The following SEMA4B variants were observed in gnomAD, a reference collection of about 807,000 sequenced individuals.
SEMA4B encodes semaphorin 4B, also known as semaphorin-4B.
In SEMA4B, 55 loss-of-function variants were observed where a neutral mutation model predicts 88.1. The observed-to-expected ratio is 0.62, with a 90% CI of 0.50 to 0.78. The LOEUF is 0.78. Ranked by LOEUF, SEMA4B falls within the 30% of genes least tolerant of loss-of-function variation. The pLI is 0.00. For synonymous variants in SEMA4B, 525 were observed against 473.6 expected (o/e 1.11, Z -1.41); for missense variants, 1,062 against 1,111.9 (o/e 0.96, Z 0.64).
Position 90,201,482 on chromosome 15 carries a change from C to T in SEMA4B, c.-97C>T. The stretch of plus-strand genomic sequence containing the variant: ...GGTCCGGAGGCGGGGGCCCCCGGGG[C>T]GACTCGGGGGCGGACCGCGGGGCGG... On this transcript the variant is annotated 5_prime_UTR_variant, in exon 1 of 14. Coordinates refer to ENST00000411539, the MANE Select transcript of SEMA4B (RefSeq NM_198925.4). 1 of 1,310,156 alleles carries T rather than the reference C, an allele frequency of 7.6e-7. No individual in the cohort carries two copies. Among genetic ancestry groups the T allele is most frequent in the Non-Finnish European group, 9.7e-7 (1 of 1,032,988 alleles). The allele number at this position is 1,310,156 out of a possible 1,614,324, so 81.2% of individuals were successfully genotyped here.
At chr15:90,200,523 A>G (rs1424126870), upstream of SEMA4B, among the ~76,000 whole-genome samples, 1 of 152,180 alleles carries the variant, frequency 6.6e-6, no homozygotes, top group Non-Finnish European at 1.5e-5. Flanking sequence ...GAATCTGCTA[A>G]TGGTCCAGGC....
chr15:90,189,026 A>G (rs534668455), intron 1 of SEMA4B, among the ~76,000 whole-genome samples: 1 of 152,268 alleles, frequency 6.6e-6, no homozygotes, highest in Non-Finnish European at 1.5e-5. Context: ...AAGCTCTGTG[A>G]AGGCAGCAAC....
At chr15:90,189,647 CT>C (rs11358494) in intron 1 of SEMA4B, among the ~76,000 whole-genome samples, 32,507 of 152,066 alleles carry the variant, frequency 0.21, 4,745 homozygotes, top group African/African-American at 0.41. Flanking sequence ...GGTATAATTT[CT>C]TTTTTTCTGA....
intron 12 of SEMA4B, among the ~76,000 whole-genome samples, chr15:90,226,913 T>C (rs1160030372): frequency 6.7e-6 from 1 of 149,462 alleles, no homozygotes; most frequent in African/African-American, 2.4e-5. Context: ...CACAGATGTA[T>C]GCATGTGCAC....
At chr15:90,219,222 A>G in intron 3 of SEMA4B, 1 of 152,126 alleles carries the variant, frequency 6.6e-6, no homozygotes, top group East Asian at 1.9e-4. Context: ...ATTATGGGGT[A>G]TGACCGACAA....
chr15:90,209,522 A>G (rs779141703), intron 1 of SEMA4B, among the ~76,000 whole-genome samples: 4 of 152,122 alleles, frequency 2.6e-5, no homozygotes, highest in Non-Finnish European at 5.9e-5. Flanking sequence ...GTGAGCCAAG[A>G]TCATGCCATT....
At chr15:90,214,281 T>C (rs1209946287) in intron 1 of SEMA4B, among the ~76,000 whole-genome samples, 2 of 145,844 alleles carry the variant, frequency 1.4e-5, no homozygotes, top group Admixed American at 6.9e-5. Context: ...GAGGTGTAGG[T>C]TGCACCATTG....
At chr15:90,214,893 A>G in intron 1 of SEMA4B, 2 of 912,412 alleles carry the variant, frequency 2.2e-6, no homozygotes, top group Non-Finnish European at 3.0e-6. Context: ...TTTATATTTC[A>G]CTACTTTCTT....
intron 9 of SEMA4B, among the ~76,000 whole-genome samples, 174 bp downstream of exon 9, chr15:90,224,162 T>C (rs1009467069): frequency 7.9e-5 from 12 of 152,240 alleles, no homozygotes; most frequent in African/African-American, 2.9e-4. Context: ...GGGTTAGATA[T>C]AAGTATGAAT....
At position 90,220,974 on chromosome 15, in the gene SEMA4B, T is replaced by G; in HGVS notation, c.484-8T>G. On this transcript the variant is annotated splice_region_variant and splice_polypyrimidine_tract_variant and intron_variant, in intron 4 of 13. Coordinates refer to ENST00000411539, the MANE Select transcript of SEMA4B (RefSeq NM_198925.4). ...TGCCCCTGAGCCCATGTGTCCACCC[T>G]CCTGCAGAACATGGAGAACTTCACC... 1 of 1,588,468 alleles carries G rather than the reference T, an allele frequency of 6.3e-7. No homozygotes were observed. The highest frequency in any genetic ancestry group is 8.6e-7 in the Non-Finnish European group (1 of 1,163,526).
At chr15:90,201,220 G>A (rs997772889), upstream of SEMA4B, 26 of 736,972 alleles carry the variant, frequency 3.5e-5, no homozygotes, top group East Asian at 1.8e-3. Context: ...CTGCGGCAGC[G>A]CCCCGAGCTG....
Position 90,217,540 on chromosome 15 carries a change from C to A in SEMA4B, c.259C>A (p.Arg87=). The change falls in exon 2 of 14, where the codon CGA becomes AGA. Residue 87 remains arginine, a synonymous_variant. Transcript: ENST00000411539. The part of the protein sequence containing the change: ...RDGRTLYVGA[R]EALFALSSNL... ...TGGCAGGACCCTGTACGTGGGTGCT[C>A]GAGAGGCCCTCTTTGCACTCAGTAG... 6.2e-7 allele frequency: 1 copy of A among 1,613,968 alleles called. No individual in the cohort carries two copies. The highest frequency in any genetic ancestry group is 8.5e-7 in the Non-Finnish European group (1 of 1,179,886).
intron 1 of SEMA4B, among the ~76,000 whole-genome samples, chr15:90,214,772 C>T (rs1961449029): frequency 1.3e-5 from 2 of 152,184 alleles, no homozygotes; most frequent in African/African-American, 4.8e-5. Flanking sequence ...AGGCTCAGCC[C>T]TTCTCTACCA....
rs374047865 is a variant in SEMA4B, at chr15:90,228,471, C to T, written c.2342C>T (p.Pro781Leu). ...AACGGCCTAGGGCCCCCTAGCACCC[C>T]GCTCGATCACCGAGGGTACCAGTCC... ...PLNGLGPPST[P>L]LDHRGYQSLS... is the part of the protein sequence containing the mutation. The change falls in exon 14 of 14, where the codon CCG (proline) becomes CTG (leucine). Residue 781 changes from proline (P) to leucine (L), a missense_variant. Pro to Leu is a moderately conservative substitution (Grantham distance 98). Transcript: ENST00000411539. 3.6e-5 allele frequency: 58 copies of T among 1,609,804 alleles called. No individual in the cohort carries two copies. Among genetic ancestry groups the T allele is most frequent in the Non-Finnish European group, 4.4e-5 (52 of 1,178,754 alleles).
chr15:90,196,572 CG>C (rs928931426), upstream of SEMA4B, among the ~76,000 whole-genome samples: 1 of 152,048 alleles, frequency 6.6e-6, no homozygotes, highest in African/African-American at 2.4e-5. Context: ...CTGCAACCTC[CG>C]CCTCTTGAGT....
At chr15:90,224,138 C>A in intron 9 of SEMA4B, 150 bp downstream of exon 9, 1 of 697,854 alleles carries the variant, frequency 1.4e-6, no homozygotes, top group Non-Finnish European at 2.3e-6. Context: ...TAGGCCCAGG[C>A]CTGCTTGTGT....
At chr15:90,206,866 C>T (rs1055706778) in intron 1 of SEMA4B, 1 of 715,992 alleles carries the variant, frequency 1.4e-6, no homozygotes, top group African/African-American at 1.7e-5. Context: ...AGAGGGGAAA[C>T]CCCGTAAAGT....
At chr15:90,216,145 C>T (rs771664572) in intron 1 of SEMA4B, among the ~76,000 whole-genome samples, 5 of 152,090 alleles carry the variant, frequency 3.3e-5, no homozygotes, top group Admixed American at 6.5e-5. Context: ...TGTGCTACTA[C>T]GCCTGGCTAA....
rs761367364 is a variant in SEMA4B at position 90,225,403 on chromosome 15, C to G, written c.1521+6C>G. ...TGCTCCTGGACACCCACAGGGTGAG[C>G]AGGCCAACGAGGAATCCTGGCAGGG... is the stretch of plus-strand genomic sequence containing the variant. On this transcript the variant is annotated splice_donor_region_variant and intron_variant, in intron 11 of 13. Coordinates refer to ENST00000411539, the MANE Select transcript of SEMA4B (RefSeq NM_198925.4). The G allele has an allele frequency of 5.2e-6, 8 of 1,549,518 alleles. No homozygotes were observed. In the African/African-American group the frequency reaches 8.2e-5, roughly 16 times the overall value.
Sources: gnomAD v4.1 joint callset for allele counts (sites outside exome capture counted in the v4.1 genomes callset) on GRCh38, gnomAD v4.1.1 for gene constraint, MANE v1.5 for transcripts, NCBI Gene and HGNC (gene_info 2026-07-23, HGNC 2026-07-21) for gene names.